The following EPB41L5 variants were observed in gnomAD, a reference collection of about 807,000 sequenced individuals.
EPB41L5 encodes the protein erythrocyte membrane protein band 4.1 like 5.
Under a neutral mutation model 106.6 loss-of-function variants are expected in EPB41L5, and 55 were observed. That is an observed-to-expected ratio of 0.52 (90% CI 0.42 to 0.65). The LOEUF is 0.65. Ranked by LOEUF, EPB41L5 falls within the 30% of genes least tolerant of loss-of-function variation. The pLI, the probability that EPB41L5 is intolerant of heterozygous loss-of-function variation, is 0.00. For missense variants in EPB41L5, 871 were observed against 882.1 expected (o/e 0.99, Z 0.16); for synonymous variants, 297 against 306.7 (o/e 0.97, Z 0.33).
chr2:120,022,901 T>C (rs1389345956), intron 2 of EPB41L5, among the ~76,000 whole-genome samples: 1 of 152,232 alleles, frequency 6.6e-6, no homozygotes, highest in African/African-American at 2.4e-5. Context: ...TATCTCATTG[T>C]GATTTTGATT....
In EPB41L5 at chr2:120,075,768, T is replaced by C; in HGVS notation, c.505+15T>C. 6.3e-7 allele frequency: 1 copy of C among 1,597,392 alleles called. No individual in the cohort carries two copies. ...TAATCTGCAAGGTAAGCAATTCTTATGTTGACTGTTAAGACTCAAGTATAA... is the reference window on the plus strand; with the variant it reads ...TAATCTGCAAGGTAAGCAATTCTTACGTTGACTGTTAAGACTCAAGTATAA... On this transcript the variant is annotated intron_variant, in intron 7 of 24. Coordinates refer to ENST00000263713, the MANE Select transcript of EPB41L5 (RefSeq NM_020909.4).
At chr2:120,091,711 A>T (rs1272444946) in intron 13 of EPB41L5, 50 bp downstream of exon 13, 1 of 1,415,992 alleles carries the variant, frequency 7.1e-7, no homozygotes, top group African/African-American at 1.4e-5. Flanking sequence ...GCAATTAATT[A>T]TGTGCTGGTG....
intron 7 of EPB41L5, among the ~76,000 whole-genome samples, chr2:120,076,153 T>G (rs1325403904): frequency 6.6e-6 from 1 of 152,238 alleles, no homozygotes; most frequent in Non-Finnish European, 1.5e-5. Context: ...TACATGTTTG[T>G]GCATTGTTCA....
At chr2:120,162,545 T>C (rs1480602234) in intron 21 of EPB41L5, among the ~76,000 whole-genome samples, 2 of 152,340 alleles carry the variant, frequency 1.3e-5, no homozygotes, top group South Asian at 2.1e-4. Flanking sequence ...ACCTAAAATA[T>C]CTTCAATCAG....
At chr2:120,105,435 A>C (rs1684393755) in intron 16 of EPB41L5, 6 of 985,252 alleles carry the variant, frequency 6.1e-6, no homozygotes, top group Admixed American at 6.1e-5. Flanking sequence ...TTGGTTTTAT[A>C]TCTCAAATCC....
At position 120,077,247 on chromosome 2, in the gene EPB41L5, G is replaced by C. The variant is rs141272714; in HGVS notation, c.645G>C (p.Gln215His). 7.9e-4 allele frequency: 1,278 copies of C among 1,611,082 alleles called. 1 individual carries two copies. Among genetic ancestry groups the C allele is most frequent in the Middle Eastern group, 1.7e-3 (10 of 6,050 alleles). ...ATTTCAGAGGTCAAACACCAGCACA[G>C]GCTGAAACCAATTATCTGAATAAAG... ...WKEYRGQTPA[Q>H]AETNYLNKAK... Residue 215 changes from glutamine to histidine, a missense_variant, in exon 9 of 25, where the codon CAG (glutamine) becomes CAC (histidine). Transcript: ENST00000263713.
chr2:120,066,121 G>C (rs1681428224), intron 3 of EPB41L5, among the ~76,000 whole-genome samples: 1 of 151,964 alleles, frequency 6.6e-6, no homozygotes, highest in Admixed American at 6.6e-5. Context: ...TGACCATATA[G>C]TTTTTAATAT....
At chr2:120,030,646 C>T (rs1182738201) in intron 2 of EPB41L5, among the ~76,000 whole-genome samples, 4 of 152,126 alleles carry the variant, frequency 2.6e-5, no homozygotes, top group Non-Finnish European at 4.4e-5. Flanking sequence ...TCCCGCCTCC[C>T]GGGTTCAAGT....
intron 10 of EPB41L5, among the ~76,000 whole-genome samples, chr2:120,080,510 A>C (rs900904023): frequency 4.6e-5 from 7 of 152,278 alleles, no homozygotes; most frequent in African/African-American, 1.7e-4. Flanking sequence ...TCTATCATTG[A>C]TGGACATTGG....
At chr2:120,077,439 T>A (rs1321712606) in intron 9 of EPB41L5, 123 bp downstream of exon 9, 2 of 600,292 alleles carry the variant, frequency 3.3e-6, no homozygotes, top group Non-Finnish European at 5.5e-6. Context: ...GTACTTTGGA[T>A]GTATGGTTAA....
rs192267783 is a variant in EPB41L5 at position 120,038,824 on chromosome 2, T to G, written c.181-3182T>G. 8.5e-5 allele frequency among the ~76,000 whole-genome samples: 13 copies of G among 152,218 alleles called. No homozygotes were observed. In the East Asian group the frequency reaches 2.3e-3, roughly 27 times the overall value. ...ATGACCCAGCACTTTCACTCCTAGG[T>G]GTATACCAGGAAGAGTTGAAAGCAG... On this transcript the variant is annotated intron_variant, in intron 2 of 24. Coordinates refer to ENST00000263713, the MANE Select transcript of EPB41L5 (RefSeq NM_020909.4).
intron 2 of EPB41L5, among the ~76,000 whole-genome samples, chr2:120,038,239 T>C (rs1679166994): frequency 6.6e-6 from 1 of 152,212 alleles, no homozygotes; most frequent in South Asian, 2.1e-4. Flanking sequence ...CCAAAGAACA[T>C]ATATAAATGG....
intron 14 of EPB41L5, 135 bp from the exon 15 acceptor site, chr2:120,100,106 CAGT>C (rs1684040047): frequency 4.8e-6 from 3 of 623,728 alleles, no homozygotes; most frequent in Non-Finnish European, 8.2e-6. Flanking sequence ...TAGGTACTAG[CAGT>C]AGTTTTATTC....
chr2:120,121,103 G>A (rs1173437744), intron 16 of EPB41L5, among the ~76,000 whole-genome samples: 1 of 152,160 alleles, frequency 6.6e-6, no homozygotes, highest in African/African-American at 2.4e-5. Context: ...GGCAATAAGA[G>A]CAAAACTCCA....
chr2:120,127,363 C>T (rs1685500595), intron 16 of EPB41L5, among the ~76,000 whole-genome samples: 1 of 152,086 alleles, frequency 6.6e-6, no homozygotes, highest in African/African-American at 2.4e-5. Context: ...GATTCCAGGA[C>T]CTCCCTGAGA....
chr2:120,159,823 A>G (rs186643483), intron 20 of EPB41L5, among the ~76,000 whole-genome samples: 14 of 152,352 alleles, frequency 9.2e-5, no homozygotes, highest in African/African-American at 3.1e-4. Flanking sequence ...TATTCAATAA[A>G]TGGTGCTGGC....
chr2:120,145,351 G>C (rs1686350161), intron 19 of EPB41L5, among the ~76,000 whole-genome samples: 1 of 152,154 alleles, frequency 6.6e-6, no homozygotes. Flanking sequence ...TGAAATGTCT[G>C]AATAAAAAGG....
rs559424213 is a variant in EPB41L5 at position 120,086,176 on chromosome 2, T to G, written c.804-995T>G. On this transcript the variant is annotated intron_variant, in intron 10 of 24. Coordinates refer to ENST00000263713, the MANE Select transcript of EPB41L5 (RefSeq NM_020909.4). ...AGATCACGCCACTGCACTCCAGCCT[T>G]TGTGACAGAGTGAGATTCTGTTTCC... Among the ~76,000 whole-genome samples, 5 of 152,198 alleles carry G rather than the reference T, an allele frequency of 3.3e-5. No homozygotes were observed. In the East Asian group the frequency reaches 9.7e-4, roughly 29 times the overall value.
At chr2:120,107,491 G>C (rs1051197895) in intron 16 of EPB41L5, among the ~76,000 whole-genome samples, 5 of 151,982 alleles carry the variant, frequency 3.3e-5, no homozygotes, top group African/African-American at 1.2e-4. Flanking sequence ...TTGCTTTCCA[G>C]GATTGTTGTG....
Sources: allele counts gnomAD v4.1 joint callset (sites outside exome capture counted in the v4.1 genomes callset), GRCh38; gene constraint gnomAD v4.1.1; transcripts MANE v1.5; gene names NCBI Gene and HGNC (gene_info 2026-07-23, HGNC 2026-07-21).